NDUFA13: variants seen among roughly 807,000 people sequenced by gnomAD.
NDUFA13 encodes the protein NADH dehydrogenase [ubiquinone] 1 alpha subcomplex subunit 13.
Under a neutral mutation model 17.0 loss-of-function variants are expected in NDUFA13, and 16 were observed. The ratio of observed to expected loss-of-function variants is 0.94; its 90% CI spans 0.64 to 1.43. The LOEUF (loss-of-function observed/expected upper bound fraction) is 1.43, where lower values mean the gene tolerates loss of function less well. NDUFA13 is among the 40% of genes most tolerant of loss of function. The pLI, the probability that NDUFA13 is intolerant of heterozygous loss-of-function variation, is 0.00. For missense variants in NDUFA13, 228 were observed against 206.7 expected (o/e 1.10, Z -0.63); for synonymous variants, 87 against 78.4 (o/e 1.11, Z -0.58).
intron 2 of NDUFA13, chr19:19,526,785 A>C: frequency 3.6e-6 from 1 of 275,272 alleles, no homozygotes; most frequent in Non-Finnish European, 7.1e-6. Flanking sequence ...CCCTCCCCCA[A>C]CCCCAACGCA....
At chr19:19,527,424 C>A in intron 3 of NDUFA13, 72 bp downstream of exon 3, 1 of 1,559,682 alleles carries the variant, frequency 6.4e-7, no homozygotes, top group South Asian at 1.1e-5. Flanking sequence ...TGACCTGCAT[C>A]CCCGAAGGTG....
intron 1 of NDUFA13, among the ~76,000 whole-genome samples, chr19:19,518,037 G>A (rs1037275414): frequency 6.6e-6 from 1 of 151,140 alleles, no homozygotes; most frequent in Non-Finnish European, 1.5e-5. Flanking sequence ...CACACTTTGG[G>A]AGGCTGAAGC....
chr19:19,520,857 C>T (rs926793203), intron 1 of NDUFA13, among the ~76,000 whole-genome samples: 9 of 152,116 alleles, frequency 5.9e-5, no homozygotes, highest in African/African-American at 1.9e-4. Context: ...AGTCATAGAC[C>T]GTGTGGCCTT....
At chr19:19,522,751 T>A (rs2061083917) in intron 1 of NDUFA13, among the ~76,000 whole-genome samples, 1 of 152,198 alleles carries the variant, frequency 6.6e-6, no homozygotes, top group South Asian at 2.1e-4. Flanking sequence ...GTGCTAGAAT[T>A]ACAGGCGTGA....
intron 1 of NDUFA13, among the ~76,000 whole-genome samples, chr19:19,521,849 G>A (rs138978159): frequency 0.062 from 9,373 of 151,664 alleles, 1,004 homozygotes; most frequent in African/African-American, 0.21. Flanking sequence ...TGATCCGCCC[G>A]CCTCGGCCTC....
At chr19:19,527,180 G>A (rs1293425005) in intron 2 of NDUFA13, 101 bp from the exon 3 acceptor site, 10 of 313,022 alleles carry the variant, frequency 3.2e-5, no homozygotes, top group Middle Eastern at 4.8e-4. Context: ...GCCCCCCTCC[G>A]CCTCTTCCCC....
At chr19:19,522,541 C>T (rs1422025161) in intron 1 of NDUFA13, among the ~76,000 whole-genome samples, 13 of 129,074 alleles carry the variant, frequency 1.0e-4, no homozygotes, top group East Asian at 2.5e-4. Flanking sequence ...TGCAGTGGCG[C>T]GATCTAGGCT....
At chr19:19,526,623 G>A (rs1164955095) in intron 2 of NDUFA13, 1 of 361,904 alleles carries the variant, frequency 2.8e-6, no homozygotes, top group Admixed American at 3.8e-5. Context: ...GGATATGAGT[G>A]GGGGGCCTGC....
chr19:19,523,164 G>T (rs922912584), intron 1 of NDUFA13, among the ~76,000 whole-genome samples: 4 of 152,242 alleles, frequency 2.6e-5, no homozygotes, highest in Non-Finnish European at 5.9e-5. Flanking sequence ...AACAGGAAAA[G>T]AAATGGTTGG....
intron 2 of NDUFA13, 66 bp downstream of exon 2, chr19:19,526,326 T>A: frequency 6.4e-7 from 1 of 1,557,920 alleles, no homozygotes. Context: ...CCTGTAGCAT[T>A]CCGCTGTTGT....
intron 2 of NDUFA13, among the ~76,000 whole-genome samples, 161 bp from the exon 3 acceptor site, chr19:19,527,120 C>T (rs1600350254): frequency 1.3e-5 from 2 of 152,222 alleles, no homozygotes; most frequent in South Asian, 2.1e-4. Flanking sequence ...GCTCTGCCCA[C>T]AGCCCTTGCC....
chr19:19,526,036 C>T lies in NDUFA13; in HGVS notation c.95-146C>T, dbSNP rs979423730. ...CTTGTACCTTTCAGAAAACCCCTGG[C>T]ATGGGGGCAGAGGTGTCACAGTCCA... On this transcript the variant is annotated intron_variant, in intron 1 of 4. Transcript: ENST00000507754. 2.6e-6 allele frequency: 4 copies of T among 1,516,854 alleles called. No homozygotes were observed. The African/African-American group carries it at 4.1e-5, about 16-fold the overall frequency. The allele number at this position is 1,516,854 out of a possible 1,614,324, so 94.0% of individuals were successfully genotyped here.
chr19:19,526,848 A>G (rs2061101848), intron 2 of NDUFA13: 2 of 289,000 alleles, frequency 6.9e-6, no homozygotes, highest in African/African-American at 2.2e-5. Flanking sequence ...GGAAACTGCC[A>G]GAAAGCAGGG....
intron 1 of NDUFA13, among the ~76,000 whole-genome samples, chr19:19,521,897 C>T (rs902780272): frequency 3.3e-5 from 5 of 152,064 alleles, no homozygotes; most frequent in Non-Finnish European, 5.9e-5. Flanking sequence ...CCACTGCGCC[C>T]GGCTTAGTAG....
At chr19:19,523,662 C>T (rs1404120941) in intron 1 of NDUFA13, among the ~76,000 whole-genome samples, 1 of 152,068 alleles carries the variant, frequency 6.6e-6, no homozygotes. Context: ...CATGGTGGCT[C>T]ATGCCTGTAA....
intron 3 of NDUFA13, 149 bp from the exon 4 acceptor site, chr19:19,527,550 CTG>C: frequency 1.1e-6 from 1 of 932,044 alleles, no homozygotes; most frequent in Non-Finnish European, 1.7e-6. Context: ...GGAGGCAGCA[CTG>C]GGGTTGGGGC....
intron 2 of NDUFA13, among the ~76,000 whole-genome samples, chr19:19,526,972 C>T (rs75453386): frequency 0.16 from 23,700 of 152,208 alleles, 1,958 homozygotes; most frequent in Middle Eastern, 0.28. Flanking sequence ...GTCACCCCCT[C>T]TTCGTCGCGA....
At chr19:19,521,051 AAGAG>A (rs1376401481) in intron 1 of NDUFA13, among the ~76,000 whole-genome samples, 3 of 152,182 alleles carry the variant, frequency 2.0e-5, no homozygotes, top group African/African-American at 7.2e-5. Context: ...ACTTTCCCCT[AAGAG>A]AGAAACCACT....
intron 1 of NDUFA13, among the ~76,000 whole-genome samples, chr19:19,523,264 G>T (rs182095977): frequency 7.7e-4 from 117 of 152,288 alleles, no homozygotes; most frequent in Middle Eastern, 3.4e-3. Context: ...CTTGAACACA[G>T]GATGGGTTTT....
Sources: gnomAD v4.1 joint callset for allele counts (sites outside exome capture counted in the v4.1 genomes callset) on GRCh38, gnomAD v4.1.1 for gene constraint, MANE v1.5 for transcripts, NCBI Gene and HGNC (gene_info 2026-07-23, HGNC 2026-07-21) for gene names.